Variants in EPHA5 observed in about 807,000 individuals in gnomAD.
EPHA5 encodes the protein EPH receptor A5, also known as ephrin type-A receptor 5.
Under a neutral mutation model 105.0 loss-of-function variants are expected in EPHA5, and 60 were observed. That is an observed-to-expected ratio of 0.57 (90% confidence interval 0.46 to 0.71). The LOEUF (loss-of-function observed/expected upper bound fraction) is 0.71. Ranked by LOEUF, EPHA5 falls within the 30% of genes least tolerant of loss-of-function variation. The pLI is 0.00. For synonymous variants in EPHA5, 513 were observed against 449.1 expected, an observed-to-expected ratio of 1.14 and a Z score of -1.80; for missense variants, 1,218 against 1,274.7, an observed-to-expected ratio of 0.96 and a Z score of 0.68.
rs13434839 is a variant in EPHA5 at position 65,353,038 on chromosome 4, C to T, written c.2235+4G>A. On this transcript the variant is annotated splice_donor_region_variant and intron_variant, in intron 12 of 16. Coordinates refer to ENST00000613740, the MANE Select transcript of EPHA5 (RefSeq NM_001281766.3). ...TGAATAACTAAATTATTCCCCAATC[C>T]TACCTTCAAAAATGTATCTAAAGAG... 4,297 of 1,532,978 alleles carry T rather than the reference C, an allele frequency of 2.8e-3. 111 individuals are homozygous for T. The African/African-American group carries it at 0.052, about 18-fold the overall frequency. The allele number at this position is 1,532,978 out of a possible 1,614,324, so 95.0% of individuals were successfully genotyped here. A position where few individuals can be genotyped will look rare whatever the true frequency, so the allele number is the denominator to read the frequency against.
intron 8 of EPHA5, among the ~76,000 whole-genome samples, chr4:65,372,696 T>A (rs1718603232): frequency 6.6e-6 from 1 of 151,918 alleles, no homozygotes; most frequent in Non-Finnish European, 1.5e-5. Flanking sequence ...AGTTCTTATC[T>A]CACATTTGAT....
chr4:65,586,900 C>A (rs950051392), intron 3 of EPHA5, among the ~76,000 whole-genome samples: 1 of 152,044 alleles, frequency 6.6e-6, no homozygotes, highest in Non-Finnish European at 1.5e-5. Flanking sequence ...CAGTTCTGTT[C>A]TACCCATTAG....
rs1719716464 is a variant in EPHA5, at chr4:65,322,535, A to G, written c.*1579T>C. 4.4e-6 allele frequency: 1 copy of G among 225,096 alleles called. No homozygotes were observed. The highest frequency in any genetic ancestry group is 5.7e-5 in the Admixed American group (1 of 17,412). 13.9% of individuals were successfully genotyped at this position (225,096 alleles called of 1,614,324 possible). ...TAATTTTTATAAAGTGTAATAATACAAAAATGTTGGTTATCTCAGGAGCTC... is the reference window on the plus strand; with the variant it reads ...TAATTTTTATAAAGTGTAATAATACGAAAATGTTGGTTATCTCAGGAGCTC... On this transcript the variant is annotated 3_prime_UTR_variant, in exon 17 of 17. Coordinates refer to ENST00000613740, the MANE Select transcript of EPHA5 (RefSeq NM_001281766.3).
In EPHA5 at chr4:65,587,474, T is replaced by A. The variant is rs1024865609; in HGVS notation, c.910+14167A>T. Among the ~76,000 whole-genome samples the A allele has an allele frequency of 3.9e-5, 6 of 152,162 alleles. 1 individual carries two copies. The highest frequency in any genetic ancestry group is 9.7e-5 in the African/African-American group (4 of 41,448). Reference sequence around the variant, plus strand: ...GACAAGTAAGGCAAAGCAGCTTATGTGTCCAAGAATGTACAGACCAAAAGT... The same window carrying A: ...GACAAGTAAGGCAAAGCAGCTTATGAGTCCAAGAATGTACAGACCAAAAGT... On this transcript the variant is annotated intron_variant, in intron 3 of 16. Coordinates refer to ENST00000613740, the MANE Select transcript of EPHA5 (RefSeq NM_001281766.3).
intron 3 of EPHA5, among the ~76,000 whole-genome samples, chr4:65,512,717 G>A (rs1361318115): frequency 6.6e-6 from 1 of 151,962 alleles, no homozygotes; most frequent in Non-Finnish European, 1.5e-5. Context: ...TCTTTCTTTT[G>A]TAAATTTACC....
chr4:65,539,471 A>G (rs1736613098), intron 3 of EPHA5, among the ~76,000 whole-genome samples: 1 of 151,560 alleles, frequency 6.6e-6, no homozygotes, highest in Admixed American at 6.6e-5. Flanking sequence ...GGTGTGAAAT[A>G]GAAATGTAGC....
chr4:65,574,719 T>TAC (rs1243376198), intron 3 of EPHA5, among the ~76,000 whole-genome samples: 1,151 of 75,962 alleles, frequency 0.015, 10 homozygotes, highest in Non-Finnish European at 0.023. Context: ...CATATATATA[T>TAC]ACATATATAT....
chr4:65,327,323 T>C (rs1720176393), intron 16 of EPHA5, among the ~76,000 whole-genome samples: 1 of 151,256 alleles, frequency 6.6e-6, no homozygotes, highest in South Asian at 2.1e-4. Flanking sequence ...TCAAGAACAA[T>C]TTATTATCTG....
intron 1 of EPHA5, among the ~76,000 whole-genome samples, chr4:65,664,817 T>G (rs1749830556): frequency 6.6e-6 from 1 of 151,882 alleles, no homozygotes; most frequent in South Asian, 2.1e-4. Context: ...AATTCACTCT[T>G]TCTGAAAAGA....
At chr4:65,524,801 A>C (rs770441683) in intron 3 of EPHA5, among the ~76,000 whole-genome samples, 1 of 151,770 alleles carries the variant, frequency 6.6e-6, no homozygotes, top group Non-Finnish European at 1.5e-5. Flanking sequence ...TTTTCCAAGA[A>C]AAATAACAGA....
At chr4:65,399,727 G>A (rs1721622803) in intron 8 of EPHA5, among the ~76,000 whole-genome samples, 1 of 152,026 alleles carries the variant, frequency 6.6e-6, no homozygotes, top group African/African-American at 2.4e-5. Flanking sequence ...TTGTGTATGT[G>A]GACTTAATTT....
intron 2 of EPHA5, among the ~76,000 whole-genome samples, chr4:65,640,097 G>C (rs572982574): frequency 1.6e-4 from 24 of 152,006 alleles, no homozygotes; most frequent in African/African-American, 5.8e-4. Context: ...ATTTCTCATA[G>C]TTTTTTGTTA....
chr4:65,467,820 T>C (rs1480326070), intron 5 of EPHA5, among the ~76,000 whole-genome samples: 2 of 152,144 alleles, frequency 1.3e-5, no homozygotes, highest in Non-Finnish European at 2.9e-5. Flanking sequence ...GTGGGCCCAA[T>C]GTAATAACAA....
At chr4:65,370,308 G>T (rs1577940006) in intron 8 of EPHA5, among the ~76,000 whole-genome samples, 1 of 152,188 alleles carries the variant, frequency 6.6e-6, no homozygotes. Flanking sequence ...AATTTTGCTA[G>T]ATATAAAATT....
At chr4:65,474,156 A>AACTTAAAGTATAACAAT (rs1402626185) in intron 5 of EPHA5, among the ~76,000 whole-genome samples, 4 of 152,080 alleles carry the variant, frequency 2.6e-5, no homozygotes, top group African/African-American at 9.7e-5. Flanking sequence ...TGTACCCTAG[A>AACTTAAAGTATAACAAT]ACTTAAAGTA....
chr4:65,538,610 G>A (rs572213805), intron 3 of EPHA5, among the ~76,000 whole-genome samples: 1 of 151,716 alleles, frequency 6.6e-6, no homozygotes, highest in African/African-American at 2.4e-5. Context: ...TTAACAGATG[G>A]AGTCAAGAGC....
intron 3 of EPHA5, among the ~76,000 whole-genome samples, chr4:65,568,187 T>G (rs2149369687): frequency 6.6e-6 from 1 of 151,612 alleles, no homozygotes; most frequent in South Asian, 2.1e-4. Context: ...AAACAACTTT[T>G]AATTTTTATT....
chr4:65,343,146 C>T (rs564716320), intron 14 of EPHA5, among the ~76,000 whole-genome samples: 20 of 152,174 alleles, frequency 1.3e-4, no homozygotes, highest in African/African-American at 4.6e-4. Context: ...AAAAATACAA[C>T]AAAATGAAAT....
At chr4:65,539,399 G>A (rs1736605365) in intron 3 of EPHA5, among the ~76,000 whole-genome samples, 1 of 151,634 alleles carries the variant, frequency 6.6e-6, no homozygotes, top group Non-Finnish European at 1.5e-5. Context: ...TTATGTGTCA[G>A]CATAAACAAG....
Sources: gnomAD v4.1 joint callset for allele counts (sites outside exome capture counted in the v4.1 genomes callset) on GRCh38, gnomAD v4.1.1 for gene constraint, MANE v1.5 for transcripts, NCBI Gene and HGNC (gene_info 2026-07-23, HGNC 2026-07-21) for gene names.